Variants in VSTM2B observed in about 807,000 individuals in gnomAD.
VSTM2B encodes V-set and transmembrane domain-containing protein 2B.
VSTM2B carries 24 observed loss-of-function variants against 24.0 expected under a neutral mutation model. The ratio of observed to expected loss-of-function variants is 1.00; its 90% CI spans 0.72 to 1.40. The LOEUF (loss-of-function observed/expected upper bound fraction) is 1.40. VSTM2B is among the 40% of genes most tolerant of loss of function. The pLI is 0.00. For synonymous variants in VSTM2B, 226 were observed against 194.4 expected (o/e 1.16, Z -1.35); for missense variants, 399 against 416.4 (o/e 0.96, Z 0.36).
chr19:29,550,796 T>A (rs745887388), intron 4 of VSTM2B, among the ~76,000 whole-genome samples: 3 of 150,806 alleles, frequency 2.0e-5, no homozygotes, highest in Non-Finnish European at 3.0e-5. Flanking sequence ...AGACCTCAAA[T>A]GTGTCTTCAT....
At chr19:29,534,941 C>T (rs561760774) in intron 4 of VSTM2B, among the ~76,000 whole-genome samples, 6 of 152,312 alleles carry the variant, frequency 3.9e-5, no homozygotes, top group African/African-American at 1.4e-4. Context: ...AGCCCTCATC[C>T]ATTAGCTACC....
intron 4 of VSTM2B, among the ~76,000 whole-genome samples, chr19:29,535,240 A>AAG (rs979586436): frequency 3.3e-5 from 5 of 152,094 alleles, no homozygotes; most frequent in African/African-American, 7.2e-5. Flanking sequence ...ATTTCTAGAA[A>AAG]AGAGAGAGAG....
At chr19:29,548,798 G>A (rs1275290575) in intron 4 of VSTM2B, among the ~76,000 whole-genome samples, 2 of 152,202 alleles carry the variant, frequency 1.3e-5, no homozygotes, top group South Asian at 4.1e-4. Flanking sequence ...AACTGCATGG[G>A]GACAAAGATA....
rs906956308 is a variant in VSTM2B at position 29,530,273 on chromosome 19, G to A, written c.752G>A (p.Arg251His). ...CCATCGGGACAGGCGGTCCTGCTGC[G>A]CCAGAGGCACGGCTCGGGTAAGGGA... ...SPPSGQAVLL[R>H]QRHGSGTGRS... Residue 251 changes from arginine (R) to histidine (H), a missense_variant, in exon 4 of 5, where the codon CGC (arginine) becomes CAC (histidine). Transcript: ENST00000335523. The A allele has an allele frequency of 2.5e-5, 37 of 1,501,382 alleles. No homozygotes were observed. The African/African-American group carries it at 3.9e-4, about 16-fold the overall frequency. The allele number at this position is 1,501,382 out of a possible 1,614,324, so 93.0% of individuals were successfully genotyped here. A position where few individuals can be genotyped will look rare whatever the true frequency, so the allele number is the denominator to read the frequency against.
chr19:29,532,241 A>G (rs140404005), intron 4 of VSTM2B, among the ~76,000 whole-genome samples: 1 of 152,274 alleles, frequency 6.6e-6, no homozygotes, highest in Non-Finnish European at 1.5e-5. Flanking sequence ...TATTACTTCT[A>G]CCCTCTTCCA....
intron 4 of VSTM2B, among the ~76,000 whole-genome samples, chr19:29,552,955 C>T (rs193257208): frequency 7.6e-4 from 115 of 152,308 alleles, no homozygotes; most frequent in Non-Finnish European, 1.3e-3. Context: ...AGGGACAGAG[C>T]TCTGATCTCC....
At chr19:29,539,735 T>C (rs1969980520) in intron 4 of VSTM2B, among the ~76,000 whole-genome samples, 1 of 152,236 alleles carries the variant, frequency 6.6e-6, no homozygotes, top group Admixed American at 6.5e-5. Flanking sequence ...AAGGTGCCAC[T>C]TGGCACCGAG....
intron 4 of VSTM2B, among the ~76,000 whole-genome samples, chr19:29,548,685 C>T (rs11668648): frequency 0.031 from 4,671 of 152,272 alleles, 91 homozygotes; most frequent in Middle Eastern, 0.037. Flanking sequence ...CCGCCAGATG[C>T]TCCCAGGGTG....
At chr19:29,533,416 G>A (rs117297812) in intron 4 of VSTM2B, among the ~76,000 whole-genome samples, 2,163 of 152,234 alleles carry the variant, frequency 0.014, 27 homozygotes, top group Non-Finnish European at 0.024. Flanking sequence ...AACTGGCCAG[G>A]AACTGTGTAG....
At chr19:29,541,847 G>A (rs1970026126) in intron 4 of VSTM2B, among the ~76,000 whole-genome samples, 2 of 152,064 alleles carry the variant, frequency 1.3e-5, no homozygotes, top group African/African-American at 4.8e-5. Context: ...AGAATGAGTG[G>A]ATGGGTAGAT....
intron 4 of VSTM2B, among the ~76,000 whole-genome samples, chr19:29,531,479 C>A (rs948889831): frequency 2.0e-5 from 3 of 152,212 alleles, no homozygotes; most frequent in African/African-American, 7.2e-5. Flanking sequence ...TCCTTAGTGT[C>A]ACCATCTCAT....
intron 2 of VSTM2B, among the ~76,000 whole-genome samples, 134 bp from the exon 3 acceptor site, chr19:29,528,277 GAAAGCCGGACGTCCTTTGTGCC>G (rs1191151542): frequency 6.6e-6 from 1 of 152,230 alleles, no homozygotes; most frequent in Non-Finnish European, 1.5e-5. Flanking sequence ...GAAACTCTTG[GAAAGCCGGACGTCCTTTGTGCC>G]CTCAACCCCC....
chr19:29,528,929 C>A, intron 3 of VSTM2B: 1 of 985,426 alleles, frequency 1.0e-6, no homozygotes, highest in Non-Finnish European at 1.2e-6. Flanking sequence ...GGTCTGGGTG[C>A]GGGGTGTTGC....
chr19:29,559,811 C>A (rs1970488198), intron 4 of VSTM2B, among the ~76,000 whole-genome samples: 1 of 152,138 alleles, frequency 6.6e-6, no homozygotes, highest in South Asian at 2.1e-4. Flanking sequence ...CTGTTGTTTA[C>A]ATGTTTGTAT....
rs747460225 is a variant in VSTM2B, at chr19:29,526,688, C to T, written c.82+23C>T. The T allele has an allele frequency of 1.5e-5, 23 of 1,522,526 alleles. No homozygotes were observed. In the East Asian group the frequency reaches 5.3e-4, roughly 35 times the overall value. The allele number at this position is 1,522,526 out of a possible 1,614,324, so 94.3% of individuals were successfully genotyped here. ...ACGGTGAGCGCGGGAACTTTGCTGC[C>T]GCTGTGGACTCGGGGGGGTCTTTGC... On this transcript the variant is annotated intron_variant, in intron 1 of 4. Coordinates refer to ENST00000335523, the MANE Select transcript of VSTM2B (RefSeq NM_001146339.2). This position sits in a 1 kb window ranked among gnomAD's most constrained non-coding sequence, Gnocchi z 4.1.
At chr19:29,559,346 C>T (rs10409926) in intron 4 of VSTM2B, among the ~76,000 whole-genome samples, 8,592 of 152,240 alleles carry the variant, frequency 0.056, 433 homozygotes, top group African/African-American at 0.13. Context: ...CCATTCTCAG[C>T]AAACTAACAC....
intron 4 of VSTM2B, among the ~76,000 whole-genome samples, chr19:29,560,251 G>GA (rs1158883501): frequency 1.3e-5 from 2 of 152,170 alleles, no homozygotes; most frequent in Non-Finnish European, 2.9e-5. Flanking sequence ...CTGGGATGGG[G>GA]AAGGGGGACT....
intron 4 of VSTM2B, among the ~76,000 whole-genome samples, chr19:29,545,397 G>A (rs1338869823): frequency 6.6e-6 from 1 of 152,144 alleles, no homozygotes; most frequent in Non-Finnish European, 1.5e-5. Flanking sequence ...TAGATCACCT[G>A]AGGTCAGGAG....
intron 4 of VSTM2B, among the ~76,000 whole-genome samples, chr19:29,561,336 T>C (rs1359829634): frequency 6.8e-6 from 1 of 148,090 alleles, no homozygotes; most frequent in South Asian, 2.1e-4. Context: ...AAAAAAAATT[T>C]AAAAAGGCCA....
Sources: allele counts gnomAD v4.1 joint callset (sites outside exome capture counted in the v4.1 genomes callset), GRCh38; gene constraint gnomAD v4.1.1; non-coding constraint Gnocchi (gnomAD v3.1); transcripts MANE v1.5; gene names NCBI Gene and HGNC (gene_info 2026-07-23, HGNC 2026-07-21).